Variants in REDIC1 observed in about 807,000 individuals in gnomAD.
REDIC1 encodes the protein HEI10 Interacting Protein 1.
the REDIC1 span, among the ~76,000 whole-genome samples, chr12:39,652,873 A>G: frequency 6.6e-6 from 1 of 152,038 alleles, no homozygotes; most frequent in East Asian, 1.9e-4. Flanking sequence ...TTTTTTCTGG[A>G]ATCTCAGTTC....
At chr12:39,713,155 A>G in the REDIC1 span, among the ~76,000 whole-genome samples, 3 of 150,170 alleles carry the variant, frequency 2.0e-5, no homozygotes, top group Non-Finnish European at 3.0e-5. Flanking sequence ...ATATGTGCAT[A>G]TACACACGTG....
At chr12:39,691,352 T>G in the REDIC1 span, among the ~76,000 whole-genome samples, 2 of 152,112 alleles carry the variant, frequency 1.3e-5, no homozygotes, top group African/African-American at 4.8e-5. Context: ...CAACAGAGAA[T>G]GTATAGAAAA....
chr12:39,706,946 T>C, the REDIC1 span, among the ~76,000 whole-genome samples: 1 of 151,792 alleles, frequency 6.6e-6, no homozygotes, highest in Non-Finnish European at 1.5e-5. Context: ...TTCCTTTGGG[T>C]AAAAATTTCT....
At chr12:39,863,765 G>A in the REDIC1 span, among the ~76,000 whole-genome samples, 199 of 152,174 alleles carry the variant, frequency 1.3e-3, 3 homozygotes, top group African/African-American at 4.4e-3. Flanking sequence ...ATTTTCCAAA[G>A]GCACATAGAT....
At chr12:39,907,020 T>C in the REDIC1 span, among the ~76,000 whole-genome samples, 1 of 152,176 alleles carries the variant, frequency 6.6e-6, no homozygotes, top group Admixed American at 6.6e-5. Context: ...GAGTTATTTA[T>C]TAGAAGATAC....
At chr12:39,856,644 G>A in the REDIC1 span, among the ~76,000 whole-genome samples, 1 of 152,180 alleles carries the variant, frequency 6.6e-6, no homozygotes, top group Non-Finnish European at 1.5e-5. Flanking sequence ...TGGGATTACA[G>A]GCATGAGCCA....
chr12:39,818,816 T>C, the REDIC1 span, among the ~76,000 whole-genome samples: 2 of 152,178 alleles, frequency 1.3e-5, no homozygotes, highest in Non-Finnish European at 2.9e-5. Context: ...AGTTTCTACA[T>C]ATAAAATATT....
the REDIC1 span, among the ~76,000 whole-genome samples, chr12:39,703,854 G>C: frequency 6.6e-6 from 1 of 152,122 alleles, no homozygotes; most frequent in Non-Finnish European, 1.5e-5. Context: ...AAATGGTGCT[G>C]GGAAAACTGG....
the REDIC1 span, among the ~76,000 whole-genome samples, chr12:39,710,218 C>A: frequency 6.6e-6 from 1 of 151,774 alleles, no homozygotes; most frequent in Admixed American, 6.6e-5. Context: ...GTTTTCGTAT[C>A]GGTATTCATA....
At chr12:39,896,341 CATAT>C in the REDIC1 span, among the ~76,000 whole-genome samples, 6 of 93,412 alleles carry the variant, frequency 6.4e-5, 1 homozygote, top group East Asian at 1.4e-3. Context: ...TATATGTATA[CATAT>C]ATGTATGTAT....
At chr12:39,868,851 A>G in the REDIC1 span, among the ~76,000 whole-genome samples, 37 of 152,216 alleles carry the variant, frequency 2.4e-4, no homozygotes, top group African/African-American at 8.9e-4. Context: ...CATGGACTAC[A>G]TATTTTGTAC....
the REDIC1 span, among the ~76,000 whole-genome samples, chr12:39,783,649 T>C: frequency 3.3e-5 from 5 of 152,176 alleles, no homozygotes; most frequent in Non-Finnish European, 4.4e-5. Context: ...TCATTGTCTG[T>C]TGGCTGCATA....
chr12:39,764,755 G>C, the REDIC1 span: 1 of 1,612,670 alleles, frequency 6.2e-7, no homozygotes, highest in Middle Eastern at 1.7e-4. Context: ...AAGAAGACAA[G>C]ATATAAAATA....
the REDIC1 span, among the ~76,000 whole-genome samples, chr12:39,878,836 C>T: frequency 1.3e-5 from 2 of 152,192 alleles, no homozygotes; most frequent in Non-Finnish European, 2.9e-5. Flanking sequence ...GTGCTAATAG[C>T]CAAGACTATG....
the REDIC1 span, chr12:39,721,119 T>A: frequency 3.7e-6 from 6 of 1,613,716 alleles, no homozygotes; most frequent in South Asian, 3.3e-5. Flanking sequence ...AAAAATTAGA[T>A]GTTGCCATAC....
the REDIC1 span, among the ~76,000 whole-genome samples, chr12:39,900,049 T>A: frequency 2.0e-5 from 3 of 152,154 alleles, no homozygotes; most frequent in African/African-American, 7.2e-5. Flanking sequence ...TGCAAATCAA[T>A]AAATGTAATC....
chr12:39,823,219 A>G, the REDIC1 span, among the ~76,000 whole-genome samples: 4 of 152,212 alleles, frequency 2.6e-5, no homozygotes, highest in African/African-American at 9.6e-5. Context: ...ATTCTATATC[A>G]GACACTATAC....
chr12:39,753,201 C>G, the REDIC1 span, among the ~76,000 whole-genome samples: 60 of 152,196 alleles, frequency 3.9e-4, no homozygotes, highest in African/African-American at 1.4e-3. Context: ...GAAAAGTACA[C>G]AAAACATTAA....
chr12:39,826,864 T>TTTC, the REDIC1 span, among the ~76,000 whole-genome samples: 1 of 143,508 alleles, frequency 7.0e-6, no homozygotes, highest in Non-Finnish European at 1.5e-5. Flanking sequence ...ATTTTTTTTT[T>TTTC]TTTTTTTTGC....
Sources: allele counts gnomAD v4.1 joint callset (sites outside exome capture counted in the v4.1 genomes callset), GRCh38; gene constraint gnomAD v4.1.1; transcripts MANE v1.5; gene names NCBI Gene and HGNC (gene_info 2026-07-23, HGNC 2026-07-21).